Variants in NELL1 observed in about 807,000 individuals in gnomAD.
NELL1 encodes neural EGFL like 1.
A neutral mutation model predicts 107.4 loss-of-function variants in NELL1; 76 were observed. That is an observed-to-expected ratio of 0.71 (90% CI 0.59 to 0.86). The LOEUF is 0.86. Ranked by LOEUF, NELL1 falls within the 40% of genes least tolerant of loss-of-function variation. The probability of loss-of-function intolerance (pLI) is 0.00; values close to 1 mark genes in which losing one functional copy is unlikely to be tolerated. For missense variants in NELL1, 1,024 were observed against 1,005.5 expected, an observed-to-expected ratio of 1.02 and a Z score of -0.25; for synonymous variants, 353 against 341.2, an observed-to-expected ratio of 1.03 and a Z score of -0.38.
chr11:21,076,799 A>T lies in NELL1; in HGVS notation c.1301-36790A>T, dbSNP rs11601165. Reference sequence around the variant, plus strand: ...TTTCCATGAGAGCTGGTTGTTAGAAAGAGCCTGGCACCTCCCCATCTTTCT... The same window carrying T: ...TTTCCATGAGAGCTGGTTGTTAGAATGAGCCTGGCACCTCCCCATCTTTCT... On this transcript the variant is annotated intron_variant, in intron 12 of 19. Coordinates refer to ENST00000357134, the MANE Select transcript of NELL1 (RefSeq NM_006157.5). 9.2e-3 allele frequency among the ~76,000 whole-genome samples: 1,394 copies of T among 152,184 alleles called. 12 individuals are homozygous for T. The highest frequency in any genetic ancestry group is 0.014 in the Middle Eastern group (4 of 294).
At chr11:21,245,981 A>T (rs1201848827) in intron 14 of NELL1, among the ~76,000 whole-genome samples, 2 of 152,166 alleles carry the variant, frequency 1.3e-5, no homozygotes, top group Admixed American at 1.3e-4. Flanking sequence ...GACAGCAATC[A>T]TCTGGTCCAC....
At chr11:21,438,289 G>C (rs1367792953) in intron 15 of NELL1, among the ~76,000 whole-genome samples, 2 of 150,972 alleles carry the variant, frequency 1.3e-5, no homozygotes, top group Non-Finnish European at 3.0e-5. Flanking sequence ...CTTTGTTTCA[G>C]CACTTTGAAT....
intron 12 of NELL1, among the ~76,000 whole-genome samples, chr11:21,042,143 C>T (rs1332167287): frequency 2.0e-5 from 3 of 152,176 alleles, no homozygotes; most frequent in Non-Finnish European, 4.4e-5. Context: ...TAAAATATAA[C>T]CTCTTAACAC....
Position 21,309,552 on chromosome 11 carries a change from T to C in NELL1, c.1550-61301T>C, listed in dbSNP as rs1849702177. ...CTTTCACTTTACAAATACTAACTTA[T>C]TCTTCATTCCAGTCGGTATTCTAAT... On this transcript the variant is annotated intron_variant, in intron 14 of 19. Coordinates refer to ENST00000357134, the MANE Select transcript of NELL1 (RefSeq NM_006157.5). Among the ~76,000 whole-genome samples, 3 of 152,000 alleles carry C rather than the reference T, an allele frequency of 2.0e-5. No individual in the cohort carries two copies. The South Asian group carries it at 6.2e-4, about 32-fold the overall frequency.
chr11:20,752,714 G>T (rs76183023), intron 2 of NELL1, among the ~76,000 whole-genome samples: 7,726 of 152,150 alleles, frequency 0.051, 646 homozygotes, highest in African/African-American at 0.17. Context: ...TATAAACATG[G>T]TTTGTAAAGA....
intron 14 of NELL1, among the ~76,000 whole-genome samples, chr11:21,234,929 A>G (rs1471358108): frequency 2.0e-5 from 3 of 152,182 alleles, no homozygotes; most frequent in African/African-American, 7.2e-5. Flanking sequence ...AGGGAGAGGG[A>G]GAATAGAAAG....
intron 13 of NELL1, among the ~76,000 whole-genome samples, chr11:21,213,484 G>A (rs1377742): frequency 0.045 from 6,899 of 151,976 alleles, 200 homozygotes; most frequent in Non-Finnish European, 0.062. Context: ...GAATTGAATC[G>A]ACTGAATCAA....
chr11:21,144,405 A>G (rs1028528927), intron 13 of NELL1, among the ~76,000 whole-genome samples: 3 of 152,198 alleles, frequency 2.0e-5, no homozygotes, highest in African/African-American at 7.2e-5. Flanking sequence ...ACATCCCTGC[A>G]TCTGTTTTTG....
intron 3 of NELL1, among the ~76,000 whole-genome samples, chr11:20,790,240 C>G (rs749606286): frequency 3.3e-5 from 5 of 152,204 alleles, no homozygotes; most frequent in Non-Finnish European, 5.9e-5. Context: ...CAAGGGATAC[C>G]TGCAGGCAAA....
At chr11:21,491,524 T>C (rs1854812388) in intron 15 of NELL1, among the ~76,000 whole-genome samples, 1 of 152,132 alleles carries the variant, frequency 6.6e-6, no homozygotes, top group African/African-American at 2.4e-5. Flanking sequence ...GCGGCGCTAT[T>C]TCTGAGGGCT....
chr11:21,192,285 T>C (rs1036350824), intron 13 of NELL1, among the ~76,000 whole-genome samples: 8 of 151,888 alleles, frequency 5.3e-5, no homozygotes, highest in Non-Finnish European at 8.8e-5. Flanking sequence ...CTAAAACACA[T>C]TTTGAATATT....
At chr11:20,990,787 G>T (rs1554955353) in intron 12 of NELL1, among the ~76,000 whole-genome samples, 6 of 152,118 alleles carry the variant, frequency 3.9e-5, no homozygotes, top group Non-Finnish European at 8.8e-5. Flanking sequence ...GCACCTAATT[G>T]TTTTTTTAAC....
chr11:21,253,255 A>G (rs1364707978), intron 14 of NELL1, among the ~76,000 whole-genome samples: 3 of 152,082 alleles, frequency 2.0e-5, no homozygotes, highest in East Asian at 1.9e-4. Context: ...TCTTTATTCC[A>G]TGATGTCTTT....
chr11:20,973,141 T>C (rs1042052187), intron 12 of NELL1, among the ~76,000 whole-genome samples: 2 of 149,894 alleles, frequency 1.3e-5, no homozygotes, highest in South Asian at 2.1e-4. Flanking sequence ...AGAGTTTTGT[T>C]CTTGTTGCCC....
intron 12 of NELL1, among the ~76,000 whole-genome samples, chr11:21,112,094 G>T (rs1164466385): frequency 6.6e-6 from 1 of 151,930 alleles, no homozygotes; most frequent in Non-Finnish European, 1.5e-5. Context: ...AGTTCCCCAG[G>T]AAGCAACCTC....
chr11:21,042,857 C>T (rs1853269036), intron 12 of NELL1, among the ~76,000 whole-genome samples: 1 of 152,004 alleles, frequency 6.6e-6, no homozygotes, highest in Non-Finnish European at 1.5e-5. Context: ...ATGGCAGTAG[C>T]TGTATGATAC....
chr11:21,270,645 A>G (rs540283312), intron 14 of NELL1, among the ~76,000 whole-genome samples: 1 of 152,260 alleles, frequency 6.6e-6, no homozygotes, highest in Admixed American at 6.5e-5. Flanking sequence ...ATTCTTAAGG[A>G]CATAGCAATA....
chr11:20,793,268 A>T (rs1219962564), intron 3 of NELL1, among the ~76,000 whole-genome samples: 2 of 151,912 alleles, frequency 1.3e-5, no homozygotes, highest in East Asian at 1.9e-4. Flanking sequence ...CCTATATTTC[A>T]TTGATATTGG....
chr11:21,081,956 C>T (rs887380439), intron 12 of NELL1, among the ~76,000 whole-genome samples: 1 of 152,106 alleles, frequency 6.6e-6, no homozygotes, highest in African/African-American at 2.4e-5. Context: ...GAGATTTAGA[C>T]GCAGGCCACT....
Sources: allele counts gnomAD v4.1 joint callset (sites outside exome capture counted in the v4.1 genomes callset), GRCh38; gene constraint gnomAD v4.1.1; transcripts MANE v1.5; gene names NCBI Gene and HGNC (gene_info 2026-07-23, HGNC 2026-07-21).